CNTNAP2: variants seen among roughly 807,000 people sequenced by gnomAD.
CNTNAP2 encodes the protein contactin-associated protein-like 2.
A neutral mutation model predicts 155.2 loss-of-function variants in CNTNAP2; 98 were observed. The ratio of observed to expected loss-of-function variants is 0.63; its 90% CI spans 0.54 to 0.75. The LOEUF (loss-of-function observed/expected upper bound fraction) is 0.75. Ranked by LOEUF, CNTNAP2 falls within the 30% of genes least tolerant of loss-of-function variation. The probability of loss-of-function intolerance (pLI) is 0.00; values close to 1 mark genes in which losing one functional copy is unlikely to be tolerated. For missense variants in CNTNAP2, 1,727 were observed against 1,688.1 expected (o/e 1.02, Z -0.40); for synonymous variants, 651 against 631.2 (o/e 1.03, Z -0.47).
chr7:146,985,863 C>T (rs900641337), intron 3 of CNTNAP2, among the ~76,000 whole-genome samples: 11 of 152,166 alleles, frequency 7.2e-5, no homozygotes, highest in Admixed American at 4.6e-4. Context: ...TGTGTCCAAA[C>T]CCTGGCATTC....
intron 1 of CNTNAP2, among the ~76,000 whole-genome samples, chr7:146,179,419 A>C (rs116724808): frequency 0.021 from 3,131 of 152,218 alleles, 94 homozygotes; most frequent in African/African-American, 0.066. Context: ...AGAAAGTCAG[A>C]AAAAAACTTT....
chr7:146,185,341 T>C (rs1798607812), intron 1 of CNTNAP2, among the ~76,000 whole-genome samples: 1 of 152,184 alleles, frequency 6.6e-6, no homozygotes, highest in African/African-American at 2.4e-5. Flanking sequence ...ACCCACCTAT[T>C]GGTTTATATT....
intron 10 of CNTNAP2, among the ~76,000 whole-genome samples, chr7:147,424,013 G>A (rs1797338762): frequency 6.6e-6 from 1 of 152,130 alleles, no homozygotes; most frequent in South Asian, 2.1e-4. Flanking sequence ...CTGGGGGGAA[G>A]AATGGAAGAA....
intron 3 of CNTNAP2, among the ~76,000 whole-genome samples, chr7:146,898,608 C>T (rs538440602): frequency 1.8e-3 from 270 of 151,868 alleles, no homozygotes; most frequent in Non-Finnish European, 3.4e-3. Context: ...ACATTATAAC[C>T]GCAAGCTGTA....
At chr7:146,226,444 A>C (rs1231084326) in intron 1 of CNTNAP2, among the ~76,000 whole-genome samples, 1 of 152,080 alleles carries the variant, frequency 6.6e-6, no homozygotes, top group Non-Finnish European at 1.5e-5. Context: ...GGATCCGTTG[A>C]GCCCAGGAGT....
At position 147,395,760 on chromosome 7, in the gene CNTNAP2, C is replaced by A. The variant is rs201429837; in HGVS notation, c.1650C>A (p.Asp550Glu). ...KPGSFANVSIDMCAIIDRCVP... is the reference protein window; with the variant it reads ...KPGSFANVSIEMCAIIDRCVP... ...GAAGTTTCGCGAATGTCAGCATTGA[C>A]ATGTGTGCGATCATAGACAGGTAAA... The change falls in exon 10 of 24, where the codon GAC becomes GAA. Residue 550 changes from aspartate (D) to glutamate (E), a missense_variant. Transcript: ENST00000361727. 1.9e-6 allele frequency: 3 copies of A among 1,612,206 alleles called. No individual in the cohort carries two copies. The South Asian group carries it at 3.3e-5, about 18-fold the overall frequency.
chr7:146,990,327 C>A (rs553756824), intron 3 of CNTNAP2, among the ~76,000 whole-genome samples: 7 of 152,240 alleles, frequency 4.6e-5, no homozygotes, highest in Non-Finnish European at 8.8e-5. Flanking sequence ...CAAAACTTGG[C>A]CCTACTGACT....
intron 12 of CNTNAP2, among the ~76,000 whole-genome samples, chr7:147,597,313 C>T (rs1239192390): frequency 6.6e-6 from 1 of 152,124 alleles, no homozygotes; most frequent in Non-Finnish European, 1.5e-5. Flanking sequence ...CCTACCCATG[C>T]CCCTCACTCC....
chr7:147,796,348 G>C (rs1260702391), intron 13 of CNTNAP2, among the ~76,000 whole-genome samples: 1 of 152,146 alleles, frequency 6.6e-6, no homozygotes, highest in Non-Finnish European at 1.5e-5. Flanking sequence ...AAACACAGTG[G>C]CACCTTTAAT....
chr7:147,608,551 C>T (rs12671911), intron 12 of CNTNAP2, among the ~76,000 whole-genome samples: 23,784 of 152,050 alleles, frequency 0.16, 2,143 homozygotes, highest in East Asian at 0.33. Flanking sequence ...ATCCTCCTGC[C>T]TCAGCCTCCC....
chr7:147,795,617 AC>A (rs1209837003), intron 13 of CNTNAP2, among the ~76,000 whole-genome samples: 1 of 151,964 alleles, frequency 6.6e-6, no homozygotes, highest in Non-Finnish European at 1.5e-5. Context: ...ATACTTTTCT[AC>A]CCCCATAGTA....
chr7:146,429,860 G>C (rs1045494553), intron 1 of CNTNAP2, among the ~76,000 whole-genome samples: 11 of 152,226 alleles, frequency 7.2e-5, no homozygotes, highest in Admixed American at 3.9e-4. Flanking sequence ...ATGTGGGTTT[G>C]TTATAGATGG....
chr7:147,924,653 G>A (rs117196367), intron 14 of CNTNAP2, among the ~76,000 whole-genome samples: 30 of 152,266 alleles, frequency 2.0e-4, no homozygotes, highest in Non-Finnish European at 2.8e-4. Flanking sequence ...GGGAATGAGT[G>A]TGATGGTTAA....
At position 147,132,413 on chromosome 7, in the gene CNTNAP2, A is replaced by G. The variant is rs772179690; in HGVS notation, c.1252A>G (p.Asn418Asp). ...CCTGGTCTTCAGTCACTTTGCGGAT[A>G]ATTTGGGCAATGTGGAGATTGACCT... is the stretch of plus-strand genomic sequence containing the variant. ...GLLVFSHFAD[N>D]LGNVEIDLTE... The change falls in exon 8 of 24, where the codon AAT becomes GAT. Residue 418 changes from asparagine (N) to aspartate (D), a missense_variant. Coordinates refer to ENST00000361727, the MANE Select transcript of CNTNAP2 (RefSeq NM_014141.6). 8 of 1,613,566 alleles carry G rather than the reference A, an allele frequency of 5.0e-6. No homozygotes were observed. The highest frequency in any genetic ancestry group is 1.7e-5 in the Admixed American group (1 of 59,882).
chr7:148,036,680 A>C (rs539834510), intron 15 of CNTNAP2, among the ~76,000 whole-genome samples: 8 of 152,172 alleles, frequency 5.3e-5, no homozygotes, highest in Non-Finnish European at 8.8e-5. Flanking sequence ...ATAACAGCAC[A>C]AAGTGGACTA....
chr7:148,371,390 G>C (rs1035832108), intron 21 of CNTNAP2, among the ~76,000 whole-genome samples: 1 of 152,104 alleles, frequency 6.6e-6, no homozygotes, highest in Non-Finnish European at 1.5e-5. Context: ...ACTGTATTTA[G>C]TTATATCTAG....
intron 13 of CNTNAP2, among the ~76,000 whole-genome samples, chr7:147,775,312 TATATATATATTTATATATATTTATAA>T (rs1563084529): frequency 0.013 from 438 of 34,212 alleles, 19 homozygotes; most frequent in African/African-American, 0.12. Flanking sequence ...TATTTATAAA[TATATATATATTTATATATATTTATAA>T]ATATATATAT....
chr7:148,395,287 C>CTTAT (rs1263470060), intron 22 of CNTNAP2, among the ~76,000 whole-genome samples: 1 of 151,230 alleles, frequency 6.6e-6, no homozygotes, highest in Non-Finnish European at 1.5e-5. Flanking sequence ...GGCTCTCTCT[C>CTTAT]TTATTTTCCT....
intron 11 of CNTNAP2, among the ~76,000 whole-genome samples, chr7:147,519,970 G>A (rs1232691441): frequency 6.6e-6 from 1 of 152,192 alleles, no homozygotes; most frequent in African/African-American, 2.4e-5. Flanking sequence ...ATCTTTAGTA[G>A]GACCAGTAGG....
Sources: gnomAD v4.1 joint callset for allele counts (sites outside exome capture counted in the v4.1 genomes callset) on GRCh38, gnomAD v4.1.1 for gene constraint, MANE v1.5 for transcripts, NCBI Gene and HGNC (gene_info 2026-07-23, HGNC 2026-07-21) for gene names.